The following NEU2 variants were observed in gnomAD, a reference collection of about 807,000 sequenced individuals.
NEU2 encodes neuraminidase 2.
In NEU2, 7 loss-of-function variants were observed where a neutral mutation model predicts 6.3. The ratio of observed to expected loss-of-function variants is 1.12; its 90% CI spans 0.63 to 2.10. The LOEUF is 2.10. Ranked by LOEUF, NEU2 falls within the 30% of genes most tolerant of loss-of-function variation. The probability of loss-of-function intolerance (pLI) is 0.00; values close to 1 mark genes in which losing one functional copy is unlikely to be tolerated. For synonymous variants in NEU2, 208 were observed against 223.3 expected, an observed-to-expected ratio of 0.93 and a Z score of 0.61; for missense variants, 509 against 504.0, an observed-to-expected ratio of 1.01 and a Z score of -0.09.
intron 1 of NEU2, 125 bp from the exon 2 acceptor site, chr2:233,033,991 C>T: frequency 1.2e-6 from 1 of 844,524 alleles, no homozygotes. Flanking sequence ...GTGAAGAGTT[C>T]TTCTCGATGA....
rs1210258709 is a variant in NEU2, at chr2:233,034,224, G to A, written c.310G>A (p.Ala104Thr). The A allele has an allele frequency of 1.2e-6, 2 of 1,614,092 alleles. No homozygotes were observed. Among genetic ancestry groups the A allele is most frequent in the South Asian group, 1.1e-5 (1 of 91,080 alleles). The change falls in exon 2 of 2, where the codon GCC becomes ACC. Residue 104 changes from alanine to threonine, a missense_variant. Ala to Thr is a moderately conservative substitution (Grantham distance 58, BLOSUM62 0). Coordinates refer to ENST00000233840, the MANE Select transcript of NEU2 (RefSeq NM_005383.2). The surrounding 1 kb of genome is among the most constrained non-coding windows in gnomAD (Gnocchi z 4.8). ...GGGGACCCTCTTCCTCTTCTTCATT[G>A]CCATCCCTGGGCAAGTCACGGAGCA... ...QTGTLFLFFI[A>T]IPGQVTEQQQ...
Position 233,034,630 on chromosome 2 carries a change from A to G in NEU2, c.716A>G (p.His239Arg), listed in dbSNP as rs1418925489. The change falls in exon 2 of 2, where the codon CAC (histidine) becomes CGC (arginine). Residue 239 changes from histidine (H) to arginine (R), a missense_variant. Transcript: ENST00000233840. The surrounding 1 kb of genome is among the most constrained non-coding windows in gnomAD (Gnocchi z 4.8). ...QRVVTLNARS[H>R]LRARVQAQST... ...GTGGTGACCCTCAACGCGAGAAGCC[A>G]CCTCCGAGCCAGGGTCCAGGCCCAG... is the stretch of plus-strand genomic sequence containing the variant. The G allele has an allele frequency of 6.2e-7, 1 of 1,605,124 alleles. No individual in the cohort carries two copies. Among genetic ancestry groups the G allele is most frequent in the Non-Finnish European group, 8.5e-7 (1 of 1,174,304 alleles).
rs1366091453 is a variant in NEU2, at chr2:233,034,201, G to A, written c.287G>A (p.Gly96Glu). 17 of 1,613,974 alleles carry A rather than the reference G, an allele frequency of 1.1e-5. No individual in the cohort carries two copies. The highest frequency in any genetic ancestry group is 1.7e-5 in the Admixed American group (1 of 59,980). ...NPCPLYDAQT[G>E]TLFLFFIAIP... ...TGCCCCTTGTATGACGCGCAGACGG[G>A]GACCCTCTTCCTCTTCTTCATTGCC... The change falls in exon 2 of 2, where the codon GGG (glycine) becomes GAG (glutamate). Residue 96 changes from glycine (G) to glutamate (E), a missense_variant. Transcript: ENST00000233840. The surrounding 1 kb of genome is among the most constrained non-coding windows in gnomAD (Gnocchi z 4.8).
Position 233,034,204 on chromosome 2 carries a change from C to G in NEU2, c.290C>G (p.Thr97Ser). 5 of 1,614,144 alleles carry G rather than the reference C, an allele frequency of 3.1e-6. No homozygotes were observed. The highest frequency in any genetic ancestry group is 4.2e-6 in the Non-Finnish European group (5 of 1,180,028). The change falls in exon 2 of 2, where the codon ACC becomes AGC. Residue 97 changes from threonine to serine, a missense_variant. By Grantham distance (58) the Thr-to-Ser change is moderately conservative. Transcript: ENST00000233840. This position sits in a 1 kb window ranked among gnomAD's most constrained non-coding sequence, Gnocchi z 4.8. ...CCCTTGTATGACGCGCAGACGGGGA[C>G]CCTCTTCCTCTTCTTCATTGCCATC... is the stretch of plus-strand genomic sequence containing the variant. Reference protein sequence around the residue: ...PCPLYDAQTGTLFLFFIAIPG... With the variant: ...PCPLYDAQTGSLFLFFIAIPG...
In NEU2 at chr2:233,034,404, T is replaced by G. The variant is rs984038515; in HGVS notation, c.490T>G (p.Cys164Gly). 3.7e-6 allele frequency: 6 copies of G among 1,613,720 alleles called. No homozygotes were observed. The African/African-American group carries it at 8.0e-5, about 22-fold the overall frequency. ...WSTFAVGPGH[C>G]LQLHDRARSL... The stretch of plus-strand genomic sequence containing the variant: ...CACCTTTGCAGTGGGCCCGGGGCAT[T>G]GTTTGCAGCTTCACGACAGGGCCCG... The change falls in exon 2 of 2, where the codon TGT becomes GGT. Residue 164 changes from cysteine to glycine, a missense_variant. Cys to Gly is a radical substitution (Grantham distance 159, BLOSUM62 -3). Coordinates refer to ENST00000233840, the MANE Select transcript of NEU2 (RefSeq NM_005383.2). This position sits in a 1 kb window ranked among gnomAD's most constrained non-coding sequence, Gnocchi z 4.8.
Position 233,034,875 on chromosome 2 carries a change from TG to T in NEU2, c.963del (p.Trp321CysfsTer49). On this transcript the variant is annotated frameshift_variant, in exon 2 of 2. Transcript: ENST00000233840. LOFTEE classifies it low-confidence loss of function (END_TRUNC). This position sits in a 1 kb window ranked among gnomAD's most constrained non-coding sequence, Gnocchi z 4.8. ...LNPRPPAPEA[W>X]SEPVLLAKGS... ...CCCGCGACCTCCAGCCCCTGAGGCCTGGTCAGAGCCGGTACTGCTGGCCAAG... is the reference window on the plus strand; with the variant it reads ...CCCGCGACCTCCAGCCCCTGAGGCCTGTCAGAGCCGGTACTGCTGGCCAAG... 6.2e-7 allele frequency: 1 copy of T among 1,613,572 alleles called. No individual in the cohort carries two copies.
In NEU2 at chr2:233,034,404, TG is replaced by T. The variant is rs771909339; in HGVS notation, c.491del (p.Cys164PhefsTer69). On this transcript the variant is annotated frameshift_variant, in exon 2 of 2. Coordinates refer to ENST00000233840, the MANE Select transcript of NEU2 (RefSeq NM_005383.2). LOFTEE classifies it low-confidence loss of function (END_TRUNC). The surrounding 1 kb of genome is among the most constrained non-coding windows in gnomAD (Gnocchi z 4.8). ...CACCTTTGCAGTGGGCCCGGGGCATTGTTTGCAGCTTCACGACAGGGCCCGG... is the reference window on the plus strand; with the variant it reads ...CACCTTTGCAGTGGGCCCGGGGCATTTTTGCAGCTTCACGACAGGGCCCGG... Reference protein sequence around the residue: ...WSTFAVGPGHCLQLHDRARSL... With the variant: ...WSTFAVGPGHXLQLHDRARSL... 2.5e-6 allele frequency: 4 copies of T among 1,613,838 alleles called. No individual in the cohort carries two copies. Among genetic ancestry groups the T allele is most frequent in the Non-Finnish European group, 3.4e-6 (4 of 1,179,848 alleles).
intron 1 of NEU2, among the ~76,000 whole-genome samples, chr2:233,033,113 A>G (rs1229978225): frequency 1.3e-5 from 2 of 152,220 alleles, no homozygotes; most frequent in Non-Finnish European, 2.9e-5. Flanking sequence ...TGAGTTGCCC[A>G]GCATCCGTGA....
chr2:233,033,829 G>C (rs190598179), intron 1 of NEU2, among the ~76,000 whole-genome samples: 7 of 152,328 alleles, frequency 4.6e-5, no homozygotes, highest in Admixed American at 2.6e-4. Context: ...TTCATATCTT[G>C]TGGTCTGGCA....
intron 1 of NEU2, among the ~76,000 whole-genome samples, chr2:233,033,507 C>T (rs1331019612): frequency 2.0e-5 from 3 of 152,134 alleles, no homozygotes; most frequent in Non-Finnish European, 4.4e-5. Flanking sequence ...TTAGATGAGA[C>T]CATGGATGTT....
intron 1 of NEU2, among the ~76,000 whole-genome samples, chr2:233,033,897 G>A (rs908443785): frequency 2.6e-5 from 4 of 152,162 alleles, no homozygotes; most frequent in African/African-American, 7.2e-5. Context: ...TCACTCAGCC[G>A]AGTGTGGCTG....
At chr2:233,033,253 A>C (rs1229920406) in intron 1 of NEU2, among the ~76,000 whole-genome samples, 1 of 152,144 alleles carries the variant, frequency 6.6e-6, no homozygotes, top group African/African-American at 2.4e-5. Context: ...TAAATAATTA[A>C]TCCTGATGAC....
chr2:233,034,178 C>A lies in NEU2; in HGVS notation c.264C>A (p.Cys88Ter). The A allele has an allele frequency of 6.2e-7, 1 of 1,614,044 alleles. No homozygotes were observed. The highest frequency in any genetic ancestry group is 2.2e-5 in the East Asian group (1 of 44,860). ...RLDGHRSMNP[C>*]PLYDAQTGTL... ...ATGGCCACCGGTCCATGAACCCATG[C>A]CCCTTGTATGACGCGCAGACGGGGA... The change falls in exon 2 of 2, where the codon TGC (cysteine) becomes TGA (stop). Residue 88 changes from cysteine (C) to a stop codon, truncating the protein, a stop_gained. Coordinates refer to ENST00000233840, the MANE Select transcript of NEU2 (RefSeq NM_005383.2). LOFTEE classifies it low-confidence loss of function (END_TRUNC). The surrounding 1 kb of genome is among the most constrained non-coding windows in gnomAD (Gnocchi z 4.8).
At position 233,034,744 on chromosome 2, in the gene NEU2, T is replaced by C. The variant is rs760144687; in HGVS notation, c.830T>C (p.Ile277Thr). 1.3e-6 allele frequency: 2 copies of C among 1,538,872 alleles called. No homozygotes were observed. The highest frequency in any genetic ancestry group is 2.8e-5 in the African/African-American group (2 of 72,618). The change falls in exon 2 of 2, where the codon ATC becomes ACC. Residue 277 changes from isoleucine to threonine, a missense_variant. By Grantham distance (89) the Ile-to-Thr change is moderately conservative. Coordinates refer to ENST00000233840, the MANE Select transcript of NEU2 (RefSeq NM_005383.2). The surrounding 1 kb of genome is among the most constrained non-coding windows in gnomAD (Gnocchi z 4.8). ...CCCCAGGGCTGCCAGGGGAGCGTCA[T>C]CAGCTTCCCCAGCCCCCGCTCGGGG... Reference protein sequence around the residue: ...PPPQGCQGSVISFPSPRSGPG... With the variant: ...PPPQGCQGSVTSFPSPRSGPG...
In NEU2 at chr2:233,034,789, G is replaced by GT; in HGVS notation, c.875_876insT (p.Trp292CysfsTer28). 1 of 1,546,582 alleles carries GT rather than the reference G, an allele frequency of 6.5e-7. No individual in the cohort carries two copies. The highest frequency in any genetic ancestry group is 8.7e-7 in the Non-Finnish European group (1 of 1,145,708). On this transcript the variant is annotated frameshift_variant, in exon 2 of 2. Coordinates refer to ENST00000233840, the MANE Select transcript of NEU2 (RefSeq NM_005383.2). LOFTEE classifies it low-confidence loss of function (END_TRUNC). This position sits in a 1 kb window ranked among gnomAD's most constrained non-coding sequence, Gnocchi z 4.8. ...TCGGGGCCTGGCTCCCCAGCCCAGT[G>GT]GCTGCTCTACACTCACCCCACACAC...
rs1392216944 is a variant in NEU2, at chr2:233,034,007, G to A, written c.202-109G>A. 1.1e-6 allele frequency: 1 copy of A among 939,768 alleles called. No homozygotes were observed. Among genetic ancestry groups the A allele is most frequent in the East Asian group, 2.4e-5 (1 of 41,550 alleles). The allele number at this position is 939,768 out of a possible 1,614,324, so 58.2% of individuals were successfully genotyped here. ...TGAAGAGTTCTTCTCGATGACTTTT[G>A]ACTCTAACCCGGGAGACACACCCGT... On this transcript the variant is annotated intron_variant, in intron 1 of 1. Coordinates refer to ENST00000233840, the MANE Select transcript of NEU2 (RefSeq NM_005383.2). The surrounding 1 kb of genome is among the most constrained non-coding windows in gnomAD (Gnocchi z 4.8).
chr2:233,034,603 G>A lies in NEU2; in HGVS notation c.689G>A (p.Arg230Lys), dbSNP rs1690562672. ...GCCGAAGTCGAGACTGGGGAGCAGA[G>A]GGTGGTGACCCTCAACGCGAGAAGC... ...QVAEVETGEQ[R>K]VVTLNARSHL... The change falls in exon 2 of 2, where the codon AGG (arginine) becomes AAG (lysine). Residue 230 changes from arginine (R) to lysine (K), a missense_variant. Physicochemically the swap from Arg to Lys is conservative, Grantham distance 26. Coordinates refer to ENST00000233840, the MANE Select transcript of NEU2 (RefSeq NM_005383.2). The surrounding 1 kb of genome is among the most constrained non-coding windows in gnomAD (Gnocchi z 4.8). 1 of 1,613,592 alleles carries A rather than the reference G, an allele frequency of 6.2e-7. No individual in the cohort carries two copies. The highest frequency in any genetic ancestry group is 8.5e-7 in the Non-Finnish European group (1 of 1,179,688).
intron 1 of NEU2, 137 bp downstream of exon 1, chr2:233,033,009 A>T: frequency 1.0e-6 from 1 of 966,450 alleles, no homozygotes; most frequent in South Asian, 1.7e-5. Context: ...GAGGAGAGAT[A>T]GAGCAGAGAA....
rs971536601 is a variant in NEU2, at chr2:233,034,518, C to A, written c.604C>A (p.His202Asn). 1 of 1,614,038 alleles carries A rather than the reference C, an allele frequency of 6.2e-7. No homozygotes were observed. Among genetic ancestry groups the A allele is most frequent in the Non-Finnish European group, 8.5e-7 (1 of 1,180,010 alleles). The change falls in exon 2 of 2, where the codon CAT (histidine) becomes AAT (asparagine). Residue 202 changes from histidine to asparagine, a missense_variant. His to Asn is a moderately conservative substitution (Grantham distance 68). Transcript: ENST00000233840. This position sits in a 1 kb window ranked among gnomAD's most constrained non-coding sequence, Gnocchi z 4.8. The part of the protein sequence containing the change: ...PSAFCFLSHD[H>N]GRTWARGHFV... ...TGCCTTCTGCTTCCTCAGCCATGACCATGGGCGCACGTGGGCGCGAGGGCA... is the reference window on the plus strand; with the variant it reads ...TGCCTTCTGCTTCCTCAGCCATGACAATGGGCGCACGTGGGCGCGAGGGCA...
Sources: gnomAD v4.1 joint callset for allele counts (sites outside exome capture counted in the v4.1 genomes callset) on GRCh38, gnomAD v4.1.1 for gene constraint, Gnocchi (gnomAD v3.1) non-coding constraint, MANE v1.5 for transcripts, NCBI Gene and HGNC (gene_info 2026-07-23, HGNC 2026-07-21) for gene names.